The following ZNF577 variants were observed in gnomAD, a reference collection of about 807,000 sequenced individuals.
ZNF577 encodes zinc finger protein 577.
In ZNF577, 14 loss-of-function variants were observed where a neutral mutation model predicts 13.9. That is an observed-to-expected ratio of 1.00 (90% CI 0.66 to 1.57). The LOEUF is 1.57. Ranked by LOEUF, ZNF577 falls within the 40% of genes most tolerant of loss-of-function variation. ZNF577 has a pLI of 0.00. For synonymous variants in ZNF577, 203 were observed against 202.9 expected, an observed-to-expected ratio of 1.00 and a Z score of 0.00; for missense variants, 555 against 579.2, an observed-to-expected ratio of 0.96 and a Z score of 0.43.
intron 1 of ZNF577, among the ~76,000 whole-genome samples, chr19:51,883,545 A>T (rs2084897099): frequency 6.6e-6 from 1 of 152,006 alleles, no homozygotes; most frequent in African/African-American, 2.4e-5. Context: ...TTAGGTAAGA[A>T]TCCTTCATGG....
At chr19:51,879,352 G>A (rs1180655292) in intron 3 of ZNF577, among the ~76,000 whole-genome samples, 1 of 151,852 alleles carries the variant, frequency 6.6e-6, no homozygotes, top group African/African-American at 2.4e-5. Flanking sequence ...GGGGGCTCAT[G>A]AGGTCAGGAG....
At chr19:51,807,383 T>C (rs1391671306) in intron 10 of ZNF577, among the ~76,000 whole-genome samples, 2 of 152,154 alleles carry the variant, frequency 1.3e-5, no homozygotes, top group Admixed American at 6.5e-5. Flanking sequence ...GCAGTGTGAG[T>C]TTGCCACATC....
At chr19:51,864,370 C>T (rs1334487550), downstream of ZNF577, among the ~76,000 whole-genome samples, 1 of 152,048 alleles carries the variant, frequency 6.6e-6, no homozygotes, top group East Asian at 1.9e-4. Flanking sequence ...GGGCTAGAAA[C>T]ACTGACTCCT....
intron 9 of ZNF577, among the ~76,000 whole-genome samples, chr19:51,828,303 G>A (rs1002836193): frequency 4.0e-5 from 6 of 151,870 alleles, no homozygotes; most frequent in East Asian, 1.9e-4. Flanking sequence ...GGGAGGTGAA[G>A]GTTGCAATGA....
At chr19:51,819,228 G>C (rs2084169633) in intron 9 of ZNF577, among the ~76,000 whole-genome samples, 1 of 152,190 alleles carries the variant, frequency 6.6e-6, no homozygotes, top group South Asian at 2.1e-4. Flanking sequence ...TGTTGGGTTT[G>C]GAGTGTCTAT....
chr19:51,883,701 T>C (rs1208934196), intron 1 of ZNF577, among the ~76,000 whole-genome samples: 1 of 152,180 alleles, frequency 6.6e-6, no homozygotes, highest in Admixed American at 6.5e-5. Context: ...ATTTGGATCA[T>C]GATTCAAACA....
At position 51,878,510 on chromosome 19, in the gene ZNF577, T is replaced by C; in HGVS notation, c.66A>G (p.Ser22=). 1 of 1,614,058 alleles carries C rather than the reference T, an allele frequency of 6.2e-7. No homozygotes were observed. The highest frequency in any genetic ancestry group is 8.5e-7 in the Non-Finnish European group (1 of 1,179,942). Residue 22 remains serine, a synonymous_variant, in exon 4 of 6, where the codon TCA becomes TCG. Coordinates refer to ENST00000638348, the MANE Select transcript of ZNF577 (RefSeq NM_001370449.1). ...CCACAGCCACATCTTCGAATGACAATGACCCCTATAATAACAATTCCAATG... is the reference window on the plus strand; with the variant it reads ...CCACAGCCACATCTTCGAATGACAACGACCCCTATAATAACAATTCCAATG... ...REQGSSSGEG[S]LSFEDVAVGF... is the part of the protein sequence containing the mutation.
intron 5 of ZNF577, among the ~76,000 whole-genome samples, chr19:51,846,327 C>T (rs539645252): frequency 2.6e-5 from 4 of 152,174 alleles, no homozygotes; most frequent in East Asian, 1.9e-4. Flanking sequence ...TCTATTAATA[C>T]GTATTTGCAG....
rs1452658204 is a variant in ZNF577, at chr19:51,840,341, C to G, written c.*375-224G>C. Among the ~76,000 whole-genome samples, 7 of 152,120 alleles carry G rather than the reference C, an allele frequency of 4.6e-5. No individual in the cohort carries two copies. In the East Asian group the frequency reaches 1.4e-3, roughly 29 times the overall value. The stretch of plus-strand genomic sequence containing the variant: ...CCTTAAAGCAGCAGGTAAGGCGCAG[C>G]CATATTTGAAAAAGTTTTGGGATCT... On this transcript the variant is annotated intron_variant and NMD_transcript_variant, in intron 8 of 10. Transcript: ENST00000638827.
chr19:51,877,406 G>A (rs759063455), intron 4 of ZNF577, 29 bp from the exon 5 acceptor site: 8 of 1,577,370 alleles, frequency 5.1e-6, no homozygotes, highest in Non-Finnish European at 7.0e-6. Flanking sequence ...TGAACACTTG[G>A]CACGTGTGCT....
intron 5 of ZNF577, among the ~76,000 whole-genome samples, chr19:51,857,043 G>A (rs1015402190): frequency 1.3e-5 from 2 of 152,120 alleles, no homozygotes; most frequent in Non-Finnish European, 2.9e-5. Context: ...TGTATTTTGT[G>A]TAATCTCAGC....
rs148748628 is a variant in ZNF577 at position 51,870,134 on chromosome 19, A to T, written c.*2398T>A. On this transcript the variant is annotated 3_prime_UTR_variant, in exon 6 of 6. Coordinates refer to ENST00000638348, the MANE Select transcript of ZNF577 (RefSeq NM_001370449.1). ...GGTGGGGGGAACCCATCAGTAAATT[A>T]TAGTTTTTATAATCCACTTGATTCA... 6.6e-6 allele frequency among the ~76,000 whole-genome samples: 1 copy of T among 152,308 alleles called. No homozygotes were observed. Among genetic ancestry groups the T allele is most frequent in the Admixed American group, 6.5e-5 (1 of 15,300 alleles).
At chr19:51,823,767 A>G (rs147419483) in intron 9 of ZNF577, 54 of 1,594,204 alleles carry the variant, frequency 3.4e-5, no homozygotes, top group Non-Finnish European at 4.4e-5. Context: ...CAACTTCTCC[A>G]TTCCTCTGAA....
At chr19:51,806,166 C>T (rs2084057350) in intron 10 of ZNF577, among the ~76,000 whole-genome samples, 1 of 152,170 alleles carries the variant, frequency 6.6e-6, no homozygotes, top group Non-Finnish European at 1.5e-5. Context: ...TTCTCTCCAT[C>T]TTTGCACTCA....
At chr19:51,837,060 G>A (rs4802878) in intron 9 of ZNF577, among the ~76,000 whole-genome samples, 35,861 of 132,388 alleles carry the variant, frequency 0.27, 5,826 homozygotes, top group South Asian at 0.41. Flanking sequence ...AAAAAAAAAA[G>A]AAAAGAAAAG....
chr19:51,867,288 T>C lies in ZNF577; in HGVS notation c.*5244A>G, dbSNP rs951915090. Among the ~76,000 whole-genome samples, 3 of 152,218 alleles carry C rather than the reference T, an allele frequency of 2.0e-5. No homozygotes were observed. Among genetic ancestry groups the C allele is most frequent in the Admixed American group, 1.3e-4 (2 of 15,282 alleles). On this transcript the variant is annotated 3_prime_UTR_variant, in exon 6 of 6. Transcript: ENST00000638348. Reference sequence around the variant, plus strand: ...AAGCAAAACCTCACCGGGGCTTTTATCGTTTTTTTCTTCGGTTCTTAGGAA... The same window carrying C: ...AAGCAAAACCTCACCGGGGCTTTTACCGTTTTTTTCTTCGGTTCTTAGGAA...
chr19:51,811,910 C>T (rs1336757447), intron 9 of ZNF577, among the ~76,000 whole-genome samples: 1 of 152,130 alleles, frequency 6.6e-6, no homozygotes, highest in Non-Finnish European at 1.5e-5. Context: ...ATGAGTTGGT[C>T]ATATCCCATG....
At chr19:51,859,089 T>A (rs73570011) in intron 5 of ZNF577, among the ~76,000 whole-genome samples, 2,246 of 152,326 alleles carry the variant, frequency 0.015, 52 homozygotes, top group African/African-American at 0.049. Context: ...AATGAAAGTA[T>A]AAAATGTGGA....
At chr19:51,826,092 T>A (rs998888661) in intron 9 of ZNF577, 1 of 156,570 alleles carries the variant, frequency 6.4e-6, no homozygotes, top group African/African-American at 2.4e-5. Context: ...AACGTGATCA[T>A]ATTATTTTTA....
Sources: allele counts gnomAD v4.1 joint callset (sites outside exome capture counted in the v4.1 genomes callset), GRCh38; gene constraint gnomAD v4.1.1; transcripts MANE v1.5; gene names NCBI Gene and HGNC (gene_info 2026-07-23, HGNC 2026-07-21).